Variants in RASSF6 observed in about 807,000 individuals in gnomAD.
RASSF6 encodes Ras association domain family member 6, also known as ras association domain-containing protein 6.
A neutral mutation model predicts 44.0 loss-of-function variants in RASSF6; 52 were observed. The observed-to-expected ratio is 1.18, with a 90% CI of 0.95 to 1.49. RASSF6 has a LOEUF of 1.49. RASSF6 is among the 40% of genes most tolerant of loss of function. The pLI is 0.00. For synonymous variants in RASSF6, 162 were observed against 124.6 expected (o/e 1.30, Z -2.00); for missense variants, 464 against 393.3 (o/e 1.18, Z -1.52).
intron 2 of RASSF6, 25 bp downstream of exon 2, chr4:73,611,706 T>G (rs747466416): frequency 6.9e-7 from 1 of 1,439,698 alleles, no homozygotes; most frequent in South Asian, 1.2e-5. Context: ...AGTAGGACAA[T>G]GTATAATATA....
chr4:73,576,490 G>T lies in RASSF6; in HGVS notation c.858C>A (p.Asn286Lys), dbSNP rs1325529971. ...EISSDVAQYI[N>K]FHFSLLESIL... is the part of the protein sequence containing the mutation. ...TGGATTCCAAGAGAGAAAAGTGAAA[G>T]TTAATGTACTGAGCCACCTAAGAAA... Residue 286 changes from asparagine to lysine, a missense_variant, in exon 10 of 11, where the codon AAC becomes AAA. Transcript: ENST00000307439. 3.2e-6 allele frequency: 5 copies of T among 1,578,458 alleles called. No homozygotes were observed. Among genetic ancestry groups the T allele is most frequent in the Non-Finnish European group, 3.4e-6 (4 of 1,160,392 alleles).
At chr4:73,617,800 C>T (rs570883987) in intron 1 of RASSF6, among the ~76,000 whole-genome samples, 1 of 152,290 alleles carries the variant, frequency 6.6e-6, no homozygotes, top group African/African-American at 2.4e-5. Context: ...AACAGAATAA[C>T]TCTCTAACTG....
chr4:73,586,403 A>G (rs1041022575), intron 5 of RASSF6, among the ~76,000 whole-genome samples: 3 of 152,032 alleles, frequency 2.0e-5, no homozygotes, highest in Admixed American at 6.6e-5. Flanking sequence ...CAACTCTAGT[A>G]TCTATTGAGT....
At chr4:73,613,119 T>A (rs144487971) in intron 1 of RASSF6, among the ~76,000 whole-genome samples, 1 of 152,312 alleles carries the variant, frequency 6.6e-6, no homozygotes, top group African/African-American at 2.4e-5. Flanking sequence ...ATTGTCATTA[T>A]TGATTTATAC....
At chr4:73,609,819 G>A (rs1394200753) in intron 2 of RASSF6, among the ~76,000 whole-genome samples, 1 of 152,144 alleles carries the variant, frequency 6.6e-6, no homozygotes, top group Non-Finnish European at 1.5e-5. Flanking sequence ...GTGACAGCCT[G>A]GCAGAGATTT....
At chr4:73,598,772 G>T in intron 2 of RASSF6, 54 bp from the exon 3 acceptor site, 5 of 725,726 alleles carry the variant, frequency 6.9e-6, no homozygotes, top group Non-Finnish European at 1.1e-5. Context: ...TAACGTAAAA[G>T]GTGATAATGG....
intron 1 of RASSF6, among the ~76,000 whole-genome samples, chr4:73,619,881 A>G (rs1461174997): frequency 6.6e-6 from 1 of 152,052 alleles, no homozygotes; most frequent in Non-Finnish European, 1.5e-5. Context: ...TTCCAGTGCG[A>G]TGATTCAACA....
chr4:73,618,301 T>TTATCTACCTATCTATCTATC (rs1553906732), intron 1 of RASSF6, among the ~76,000 whole-genome samples: 1 of 150,216 alleles, frequency 6.7e-6, no homozygotes, highest in Non-Finnish European at 1.5e-5. Context: ...TATAAAGTTG[T>TTATCTACCTATCTATCTATC]TATCTATCTA....
At chr4:73,612,443 C>T (rs1322425884) in intron 1 of RASSF6, among the ~76,000 whole-genome samples, 1 of 149,458 alleles carries the variant, frequency 6.7e-6, no homozygotes, top group Non-Finnish European at 1.5e-5. Flanking sequence ...GGGGATAGAG[C>T]CAGAATAAAA....
chr4:73,605,756 CTT>C (rs1560457991), intron 2 of RASSF6, among the ~76,000 whole-genome samples: 2 of 152,106 alleles, frequency 1.3e-5, no homozygotes, highest in Non-Finnish European at 2.9e-5. Flanking sequence ...GGATTTTTCC[CTT>C]TTTTCTGCAG....
chr4:73,606,134 A>T (rs1725607744), intron 2 of RASSF6, among the ~76,000 whole-genome samples: 1 of 152,366 alleles, frequency 6.6e-6, no homozygotes, highest in East Asian at 1.9e-4. Flanking sequence ...TCACAACACT[A>T]TTCACAATAG....
At chr4:73,614,689 A>G (rs959925847) in intron 1 of RASSF6, among the ~76,000 whole-genome samples, 1 of 152,364 alleles carries the variant, frequency 6.6e-6, no homozygotes, top group Non-Finnish European at 1.5e-5. Context: ...AATAATTGCA[A>G]TGTAGTTATA....
intron 8 of RASSF6, among the ~76,000 whole-genome samples, chr4:73,579,532 C>A (rs1436406910): frequency 6.6e-6 from 1 of 152,132 alleles, no homozygotes. Flanking sequence ...TAGCTACTTG[C>A]ATTTCACTGA....
At chr4:73,581,958 C>G in intron 7 of RASSF6, 90 bp from the exon 8 acceptor site, 1 of 974,950 alleles carries the variant, frequency 1.0e-6, no homozygotes, top group Non-Finnish European at 1.6e-6. Flanking sequence ...TCTGTTTTCT[C>G]TCTTCCATTT....
chr4:73,601,863 A>G (rs990074884), intron 2 of RASSF6, among the ~76,000 whole-genome samples: 3 of 152,216 alleles, frequency 2.0e-5, no homozygotes, highest in African/African-American at 7.2e-5. Flanking sequence ...ATCTGTGTCT[A>G]TTCACATTAC....
chr4:73,620,507 G>C (rs1197385036), upstream of RASSF6: 2 of 1,534,156 alleles, frequency 1.3e-6, no homozygotes, highest in African/African-American at 1.4e-5. Context: ...GCATGGCTCA[G>C]CTGGGCGCTT....
chr4:73,597,507 C>T (rs574659952), intron 3 of RASSF6, among the ~76,000 whole-genome samples: 89 of 152,082 alleles, frequency 5.9e-4, no homozygotes, highest in Middle Eastern at 3.4e-3. Context: ...AAAAAGGAAC[C>T]CTTATACACT....
chr4:73,605,907 T>G, intron 2 of RASSF6, among the ~76,000 whole-genome samples: 1 of 152,232 alleles, frequency 6.6e-6, no homozygotes, highest in East Asian at 1.9e-4. Flanking sequence ...TGGCTGCTTG[T>G]ATGTCTTCTT....
chr4:73,573,589 A>G lies in RASSF6; in HGVS notation c.*2646T>C, dbSNP rs989889805. On this transcript the variant is annotated 3_prime_UTR_variant, in exon 11 of 11. Transcript: ENST00000307439. ...TCTTACAAGTAGAATTATAGGATAAACAGACTACTAAATTGCCTTCAAGAA... is the reference window on the plus strand; with the variant it reads ...TCTTACAAGTAGAATTATAGGATAAGCAGACTACTAAATTGCCTTCAAGAA... The G allele has an allele frequency of 1.1e-4, 16 of 152,230 alleles. No homozygotes were observed. Among genetic ancestry groups the G allele is most frequent in the African/African-American group, 3.6e-4 (15 of 41,464 alleles). 9.4% of individuals were successfully genotyped at this position (152,230 alleles called of 1,614,324 possible).
Sources: gnomAD v4.1 joint callset for allele counts (sites outside exome capture counted in the v4.1 genomes callset) on GRCh38, gnomAD v4.1.1 for gene constraint, MANE v1.5 for transcripts, NCBI Gene and HGNC (gene_info 2026-07-23, HGNC 2026-07-21) for gene names.